Variants in SLC24A2 observed in about 807,000 individuals in gnomAD.
SLC24A2 encodes sodium/potassium/calcium exchanger 2.
Under a neutral mutation model 62.0 loss-of-function variants are expected in SLC24A2, and 36 were observed. The observed-to-expected ratio is 0.58, with a 90% confidence interval of 0.44 to 0.77. SLC24A2 has a LOEUF of 0.77. Among genes scored for constraint, SLC24A2 ranks in the 30% least tolerant of loss-of-function variants. The probability of loss-of-function intolerance (pLI) is 0.00; values close to 1 mark genes in which losing one functional copy is unlikely to be tolerated. For synonymous variants in SLC24A2, 358 were observed against 294.0 expected, an observed-to-expected ratio of 1.22 and a Z score of -2.23; for missense variants, 846 against 817.9, an observed-to-expected ratio of 1.03 and a Z score of -0.42.
the SLC24A2 span, among the ~76,000 whole-genome samples, chr9:20,256,513 G>C: frequency 6.6e-6 from 1 of 152,056 alleles, no homozygotes; most frequent in Non-Finnish European, 1.5e-5. Context: ...TACCAACTGG[G>C]GCTTGCACTT....
At chr9:20,305,468 T>C in the SLC24A2 span, among the ~76,000 whole-genome samples, 3 of 151,888 alleles carry the variant, frequency 2.0e-5, no homozygotes, top group Non-Finnish European at 4.4e-5. Context: ...GTTAAAGGCT[T>C]TATAATAGCA....
intron 2 of SLC24A2, among the ~76,000 whole-genome samples, chr9:19,638,918 G>C (rs1037996468): frequency 3.9e-5 from 6 of 151,964 alleles, no homozygotes; most frequent in African/African-American, 1.2e-4. Flanking sequence ...AGGTAGCCAG[G>C]TCAGAATTTC....
intron 8 of SLC24A2, among the ~76,000 whole-genome samples, chr9:19,547,132 G>A (rs1443993404): frequency 6.6e-6 from 1 of 152,240 alleles, no homozygotes; most frequent in South Asian, 2.1e-4. Flanking sequence ...CCAGTGTTTG[G>A]CACATAATAG....
At chr9:19,763,265 G>C (rs201500314) in intron 2 of SLC24A2, among the ~76,000 whole-genome samples, 1 of 152,194 alleles carries the variant, frequency 6.6e-6, no homozygotes, top group East Asian at 1.9e-4. Context: ...TCTGCAAACA[G>C]AGATAATTTG....
rs544283960 is a variant in SLC24A2 at position 19,512,584 on chromosome 9, G to C, written c.*3569C>G. ...GCTGGAGTTGGCATGGGCATTCTCAGATGCAATTTAGGAGTTTCTATTTGG... is the reference window on the plus strand; with the variant it reads ...GCTGGAGTTGGCATGGGCATTCTCACATGCAATTTAGGAGTTTCTATTTGG... On this transcript the variant is annotated 3_prime_UTR_variant, in exon 11 of 11. Transcript: ENST00000341998. 6.6e-6 allele frequency: 1 copy of C among 152,220 alleles called. No homozygotes were observed. The highest frequency in any genetic ancestry group is 2.4e-5 in the African/African-American group (1 of 41,444). The allele number at this position is 152,220 out of a possible 1,614,324, so 9.4% of individuals were successfully genotyped here. A position where few individuals can be genotyped will look rare whatever the true frequency, so the allele number is the denominator to read the frequency against.
intron 2 of SLC24A2, among the ~76,000 whole-genome samples, chr9:19,735,015 C>G (rs1029967490): frequency 6.6e-6 from 1 of 152,026 alleles, no homozygotes; most frequent in African/African-American, 2.4e-5. Context: ...CAAATGGGAT[C>G]TAATTAAACT....
the SLC24A2 span, among the ~76,000 whole-genome samples, chr9:20,007,581 A>C: frequency 2.0e-5 from 3 of 152,292 alleles, no homozygotes; most frequent in Admixed American, 6.5e-5. Flanking sequence ...ATGAGTATAT[A>C]AAGTAACTAC....
chr9:19,843,075 A>G, the SLC24A2 span, among the ~76,000 whole-genome samples: 4 of 152,200 alleles, frequency 2.6e-5, no homozygotes, highest in African/African-American at 4.8e-5. Flanking sequence ...CAGTCCATGA[A>G]CAATGCTGTC....
chr9:20,290,005 TA>T, the SLC24A2 span, among the ~76,000 whole-genome samples: 1 of 152,168 alleles, frequency 6.6e-6, no homozygotes, highest in Non-Finnish European at 1.5e-5. Flanking sequence ...GCGCACTCCT[TA>T]AGGACTATTG....
At chr9:20,048,977 A>C in the SLC24A2 span, among the ~76,000 whole-genome samples, 18 of 151,990 alleles carry the variant, frequency 1.2e-4, 1 homozygote, top group South Asian at 1.7e-3. Flanking sequence ...ACATGTGCAC[A>C]ACGTGCAGGT....
rs1823169811 is a variant in SLC24A2 at position 19,786,302 on chromosome 9, G to T, written c.565C>A (p.Leu189Ile). The T allele has an allele frequency of 7.4e-6, 12 of 1,614,032 alleles. No individual in the cohort carries two copies. Among genetic ancestry groups the T allele is most frequent in the African/African-American group, 1.3e-5 (1 of 74,916 alleles). Residue 189 changes from leucine (L) to isoleucine (I), a missense_variant, in exon 2 of 11, where the codon CTT becomes ATT. Physicochemically the swap from Leu to Ile is conservative, Grantham distance 5 (BLOSUM62 2). Transcript: ENST00000341998. The surrounding 1 kb of genome is among the most constrained non-coding windows in gnomAD (Gnocchi z 5.0). Reference protein sequence around the residue: ...FMAAGGSAPELFTSLIGVFIA... With the variant: ...FMAAGGSAPEIFTSLIGVFIA... ...AATACCCCTATGAGAGATGTGAAAA[G>T]TTCTGGGGCTGACCCTCCTGCAGCC...
At chr9:20,202,004 T>C in the SLC24A2 span, among the ~76,000 whole-genome samples, 2 of 152,022 alleles carry the variant, frequency 1.3e-5, no homozygotes, top group East Asian at 1.9e-4. Flanking sequence ...CTGTAATCTT[T>C]GGGAAGTCGC....
chr9:19,752,556 C>CTGGACCCTGGCCCAGCCCCTTGGGAGT (rs367985801), intron 2 of SLC24A2, among the ~76,000 whole-genome samples: 1 of 152,060 alleles, frequency 6.6e-6, no homozygotes, highest in Non-Finnish European at 1.5e-5. Flanking sequence ...CCCTTGGGAG[C>CTGGACCCTGGCCCAGCCCCTTGGGAGT]GCCATCACAC....
chr9:20,133,655 C>G, the SLC24A2 span, among the ~76,000 whole-genome samples: 1 of 152,118 alleles, frequency 6.6e-6, no homozygotes, highest in Non-Finnish European at 1.5e-5. Flanking sequence ...GTTTCATTTA[C>G]TTCATTATTT....
chr9:20,220,713 G>A, the SLC24A2 span, among the ~76,000 whole-genome samples: 51 of 152,060 alleles, frequency 3.4e-4, no homozygotes, highest in Non-Finnish European at 5.7e-4. Flanking sequence ...AACTTAGAAC[G>A]CTGTCACGAT....
chr9:20,028,818 T>C, the SLC24A2 span, among the ~76,000 whole-genome samples: 1 of 152,176 alleles, frequency 6.6e-6, no homozygotes, highest in African/African-American at 2.4e-5. Flanking sequence ...GCCTGGCAGA[T>C]CCCCCAAATC....
chr9:19,882,845 G>A, the SLC24A2 span, among the ~76,000 whole-genome samples: 1 of 152,098 alleles, frequency 6.6e-6, no homozygotes, highest in East Asian at 1.9e-4. Context: ...AAACTGAGCT[G>A]TGCCCTGCTG....
chr9:19,937,568 T>C, the SLC24A2 span, among the ~76,000 whole-genome samples: 1 of 152,226 alleles, frequency 6.6e-6, no homozygotes, highest in African/African-American at 2.4e-5. Context: ...AACTGAGCTA[T>C]TGAAAATTAT....
In SLC24A2 at chr9:19,609,139, G is replaced by A. The variant is rs898163789; in HGVS notation, c.1078+10445C>T. Among the ~76,000 whole-genome samples the A allele has an allele frequency of 1.6e-4, 24 of 152,350 alleles. No homozygotes were observed. In the South Asian group the frequency reaches 4.1e-3, roughly 26 times the overall value. On this transcript the variant is annotated intron_variant, in intron 4 of 10. Transcript: ENST00000341998. ...GCCAGTGCTCACTGTGTCCAGTGCC[G>A]TGCCTGCTGTACATCCACCAGGGCG...
Sources: allele counts gnomAD v4.1 joint callset (sites outside exome capture counted in the v4.1 genomes callset), GRCh38; gene constraint gnomAD v4.1.1; non-coding constraint Gnocchi (gnomAD v3.1); transcripts MANE v1.5; gene names NCBI Gene and HGNC (gene_info 2026-07-23, HGNC 2026-07-21).